ROR1: variants seen among roughly 807,000 people sequenced by gnomAD.
ROR1 encodes the protein inactive tyrosine-protein kinase transmembrane receptor ROR1.
Under a neutral mutation model 78.8 loss-of-function variants are expected in ROR1, and 19 were observed. The ratio of observed to expected loss-of-function variants is 0.24; its 90% CI spans 0.17 to 0.35. The LOEUF (loss-of-function observed/expected upper bound fraction) is 0.35. Among genes scored for constraint, ROR1 ranks in the 10% least tolerant of loss-of-function variants. ROR1 has a pLI of 1.00. For synonymous variants in ROR1, 386 were observed against 433.6 expected (o/e 0.89, Z 1.36); for missense variants, 917 against 1,177.8 (o/e 0.78, Z 3.24).
intron 1 of ROR1, among the ~76,000 whole-genome samples, chr1:63,967,555 A>T (rs763031696): frequency 5.3e-5 from 8 of 152,042 alleles, no homozygotes; most frequent in Admixed American, 6.6e-5. Context: ...CTCCTCCTCT[A>T]TCCCTACCAC....
chr1:64,132,855 C>T (rs1051775334), intron 4 of ROR1, among the ~76,000 whole-genome samples: 2 of 151,492 alleles, frequency 1.3e-5, no homozygotes, highest in Non-Finnish European at 2.9e-5. Flanking sequence ...TTGTCAGTAC[C>T]GATCGGTTCA....
chr1:63,854,629 C>T (rs920848402), intron 1 of ROR1, among the ~76,000 whole-genome samples: 15 of 152,192 alleles, frequency 9.9e-5, no homozygotes, highest in Non-Finnish European at 1.5e-5. Context: ...TCTCTTTTAC[C>T]TCTTCTGGAT....
chr1:64,078,872 A>G (rs3903874), intron 4 of ROR1, among the ~76,000 whole-genome samples: 3,532 of 152,256 alleles, frequency 0.023, 66 homozygotes, highest in Middle Eastern at 0.034. Context: ...TGAAAGGAGT[A>G]AAAGTTTGGA....
At position 63,909,555 on chromosome 1, in the gene ROR1, C is replaced by T. The variant is rs575668457; in HGVS notation, c.92-99750C>T. 2.5e-3 allele frequency among the ~76,000 whole-genome samples: 379 copies of T among 152,230 alleles called. 1 individual carries two copies. The highest frequency in any genetic ancestry group is 4.3e-3 in the Non-Finnish European group (294 of 68,016). On this transcript the variant is annotated intron_variant, in intron 1 of 8. Coordinates refer to ENST00000371079, the MANE Select transcript of ROR1 (RefSeq NM_005012.4). Reference sequence around the variant, plus strand: ...GCTATTTTACCCTCAACTTGACCTTCGTGCTGTAGTTAAAGACTCTCAGAC... The same window carrying T: ...GCTATTTTACCCTCAACTTGACCTTTGTGCTGTAGTTAAAGACTCTCAGAC...
At chr1:64,113,506 T>C (rs746013931) in intron 4 of ROR1, 4 of 152,180 alleles carry the variant, frequency 2.6e-5, no homozygotes, top group Non-Finnish European at 5.9e-5. Context: ...TGCTCTTAAG[T>C]TTCCAAGCCA....
chr1:64,039,665 G>A (rs537143665), intron 2 of ROR1, among the ~76,000 whole-genome samples: 6 of 152,184 alleles, frequency 3.9e-5, no homozygotes, highest in South Asian at 2.1e-4. Context: ...ATCATGTGTC[G>A]TGTTGATGCT....
At chr1:63,992,138 A>G (rs1458724574) in intron 1 of ROR1, among the ~76,000 whole-genome samples, 3 of 152,060 alleles carry the variant, frequency 2.0e-5, no homozygotes, top group Non-Finnish European at 4.4e-5. Flanking sequence ...TGTGTGATAC[A>G]TTAAATAGCA....
At chr1:64,049,614 A>C in intron 2 of ROR1, 77 bp from the exon 3 acceptor site, 1 of 1,296,184 alleles carries the variant, frequency 7.7e-7, no homozygotes, top group Admixed American at 1.8e-5. Flanking sequence ...CCAAGGGTAC[A>C]CTGGAGGGGA....
chr1:64,107,998 T>C (rs1236653551), intron 4 of ROR1, among the ~76,000 whole-genome samples: 1 of 152,110 alleles, frequency 6.6e-6, no homozygotes, highest in Non-Finnish European at 1.5e-5. Flanking sequence ...TATATGGATG[T>C]ATAAATTTTG....
chr1:64,139,475 C>T (rs1002396042), intron 5 of ROR1, among the ~76,000 whole-genome samples: 3 of 152,208 alleles, frequency 2.0e-5, no homozygotes, highest in South Asian at 2.1e-4. Context: ...TAGGCTGGTG[C>T]GCTTTTTGTG....
At chr1:63,780,606 C>T (rs892271295) in intron 1 of ROR1, among the ~76,000 whole-genome samples, 3 of 152,200 alleles carry the variant, frequency 2.0e-5, no homozygotes, top group African/African-American at 7.2e-5. Flanking sequence ...AAGGTAGCAA[C>T]CAAGGCTCAG....
intron 2 of ROR1, among the ~76,000 whole-genome samples, chr1:64,015,420 C>T (rs936273185): frequency 6.6e-6 from 1 of 152,196 alleles, no homozygotes; most frequent in African/African-American, 2.4e-5. Context: ...CCCTGGCCTG[C>T]CTCTTCCCTC....
At chr1:64,142,799 T>G in intron 7 of ROR1, 149 bp downstream of exon 7, 1 of 1,445,082 alleles carries the variant, frequency 6.9e-7, no homozygotes, top group Non-Finnish European at 9.1e-7. Context: ...AACCTTGCCG[T>G]TTCTACATAA....
chr1:63,868,719 T>G (rs1385519189), intron 1 of ROR1, among the ~76,000 whole-genome samples: 1 of 152,172 alleles, frequency 6.6e-6, no homozygotes, highest in Non-Finnish European at 1.5e-5. Flanking sequence ...CTCCACCCCG[T>G]GGACAGAAGT....
intron 1 of ROR1, among the ~76,000 whole-genome samples, chr1:63,956,826 C>T (rs1645986403): frequency 6.6e-6 from 1 of 152,196 alleles, no homozygotes; most frequent in Non-Finnish European, 1.5e-5. Context: ...AGTCCTATTT[C>T]TTAAACTTCA....
At chr1:63,906,363 C>T (rs542872746) in intron 1 of ROR1, among the ~76,000 whole-genome samples, 27 of 152,262 alleles carry the variant, frequency 1.8e-4, no homozygotes, top group African/African-American at 2.9e-4. Context: ...CAGAAGCGCA[C>T]GTGCTATCAA....
intron 1 of ROR1, among the ~76,000 whole-genome samples, chr1:63,979,710 C>T (rs1439949507): frequency 6.6e-6 from 1 of 151,946 alleles, no homozygotes; most frequent in Non-Finnish European, 1.5e-5. Context: ...CAGAGCTGGG[C>T]AAGGAATGAC....
rs537426087 is a variant in ROR1, at chr1:63,801,181, T to A, written c.91+26673T>A. ...TATGTCATTTATATGATTTAATGAG[T>A]ATTCTTAAAGAATTAAAAAGCATTT... On this transcript the variant is annotated intron_variant, in intron 1 of 8. Coordinates refer to ENST00000371079, the MANE Select transcript of ROR1 (RefSeq NM_005012.4). 2.0e-5 allele frequency among the ~76,000 whole-genome samples: 3 copies of A among 152,356 alleles called. No homozygotes were observed. In the South Asian group the frequency reaches 6.2e-4, roughly 32 times the overall value.
At chr1:64,015,021 TG>T (rs1289981260) in intron 2 of ROR1, among the ~76,000 whole-genome samples, 2 of 151,646 alleles carry the variant, frequency 1.3e-5, no homozygotes, top group African/African-American at 4.8e-5. Flanking sequence ...CATTCCCACA[TG>T]GCTGAGGAGG....
Sources: allele counts gnomAD v4.1 joint callset (sites outside exome capture counted in the v4.1 genomes callset), GRCh38; gene constraint gnomAD v4.1.1; transcripts MANE v1.5; gene names NCBI Gene and HGNC (gene_info 2026-07-23, HGNC 2026-07-21).